The following BCKDHB variants were observed in gnomAD, a reference collection of about 807,000 sequenced individuals.
The protein encoded by BCKDHB is 2-oxoisovalerate dehydrogenase subunit beta, mitochondrial.
Under a neutral mutation model 48.5 loss-of-function variants are expected in BCKDHB, and 41 were observed. The observed-to-expected ratio is 0.85, with a 90% CI of 0.66 to 1.10. BCKDHB has a LOEUF of 1.10. Among genes scored for constraint, BCKDHB ranks in the 50% least tolerant of loss-of-function variants. The pLI, the probability that BCKDHB is intolerant of heterozygous loss-of-function variation, is 0.00. For missense variants in BCKDHB, 496 were observed against 494.2 expected (o/e 1.00, Z -0.03); for synonymous variants, 201 against 174.8 (o/e 1.15, Z -1.18).
the BCKDHB span, among the ~76,000 whole-genome samples, chr6:80,388,206 C>G: frequency 6.6e-6 from 1 of 152,156 alleles, no homozygotes; most frequent in African/African-American, 2.4e-5. Context: ...GGAGGAGGCT[C>G]TGAAACAGGT....
At chr6:80,355,924 G>A in the BCKDHB span, 1 of 152,212 alleles carries the variant, frequency 6.6e-6, no homozygotes, top group African/African-American at 2.4e-5. Flanking sequence ...AGTGGTGACA[G>A]TGCTCTTATT....
At chr6:80,196,496 T>C (rs1774137187) in intron 6 of BCKDHB, among the ~76,000 whole-genome samples, 1 of 152,200 alleles carries the variant, frequency 6.6e-6, no homozygotes, top group African/African-American at 2.4e-5. Flanking sequence ...ATAAATCTAT[T>C]TCCATCTTTG....
At chr6:80,460,517 A>C in the BCKDHB span, among the ~76,000 whole-genome samples, 410 of 152,266 alleles carry the variant, frequency 2.7e-3, 4 homozygotes, top group African/African-American at 9.6e-3. Flanking sequence ...GCATTGGCTC[A>C]CAACTTGATA....
intron 9 of BCKDHB, among the ~76,000 whole-genome samples, chr6:80,323,199 T>C (rs2128003345): frequency 6.6e-6 from 1 of 152,266 alleles, no homozygotes; most frequent in African/African-American, 2.4e-5. Flanking sequence ...TACCAGCATC[T>C]TGTATGCTCC....
rs772066588 is a variant in BCKDHB, at chr6:80,106,708, G to A, written c.15G>A (p.Ala5=). ...GGTGAGCGGGGATGGCGGTTGTAGC[G>A]GCGGCTGCCGGCTGGCTACTCAGGC... MAVV[A]AAAGWLLRLR... Residue 5 remains alanine (A), a synonymous_variant, in exon 1 of 10, where the codon GCG becomes GCA. Transcript: ENST00000320393. The A allele has an allele frequency of 1.9e-6, 3 of 1,551,066 alleles. No individual in the cohort carries two copies. Among genetic ancestry groups the A allele is most frequent in the Non-Finnish European group, 1.7e-6 (2 of 1,148,102 alleles).
At chr6:80,369,363 C>T in the BCKDHB span, among the ~76,000 whole-genome samples, 3 of 152,128 alleles carry the variant, frequency 2.0e-5, no homozygotes, top group East Asian at 1.9e-4. Context: ...TTGTTATTCT[C>T]GCATTTCCAG....
chr6:80,107,518 T>TATATGCATATATATATGCAC (rs1554181351), intron 1 of BCKDHB, among the ~76,000 whole-genome samples: 1 of 121,686 alleles, frequency 8.2e-6, no homozygotes, highest in Non-Finnish European at 1.6e-5. Flanking sequence ...TGTGCGCATA[T>TATATGCATATATATATGCAC]ATATATATAT....
the BCKDHB span, among the ~76,000 whole-genome samples, chr6:80,405,916 T>G: frequency 6.6e-6 from 1 of 152,166 alleles, no homozygotes; most frequent in East Asian, 1.9e-4. Flanking sequence ...CATGTTGGCT[T>G]GCTGCGCCCA....
At chr6:80,312,458 C>T (rs1359899562) in intron 9 of BCKDHB, among the ~76,000 whole-genome samples, 1 of 152,132 alleles carries the variant, frequency 6.6e-6, no homozygotes, top group African/African-American at 2.4e-5. Flanking sequence ...ACTTCCAGGA[C>T]TATGTTGAAT....
the BCKDHB span, among the ~76,000 whole-genome samples, chr6:80,424,450 T>C: frequency 2.0e-5 from 3 of 152,210 alleles, no homozygotes; most frequent in Non-Finnish European, 4.4e-5. Flanking sequence ...TTTGGTAATA[T>C]AACCCAGATT....
rs543431691 is a variant in BCKDHB at position 80,241,133 on chromosome 6, TTTAG to T, written c.952-31997_952-31994del. On this transcript the variant is annotated intron_variant, in intron 8 of 9. Coordinates refer to ENST00000320393, the MANE Select transcript of BCKDHB (RefSeq NM_183050.4). ...TTAAGGTCTTCTCTATGCTGTTTAT[TTTAG>T]TTAGCCATTTGTCTAATCTTTTTTC... is the stretch of plus-strand genomic sequence containing the variant. Among the ~76,000 whole-genome samples the T allele has an allele frequency of 3.9e-3, 592 of 152,274 alleles. 4 individuals carry two copies. Among genetic ancestry groups the T allele is most frequent in the African/African-American group, 0.013 (555 of 41,564 alleles).
the BCKDHB span, among the ~76,000 whole-genome samples, chr6:80,459,601 G>T: frequency 9.2e-5 from 14 of 151,366 alleles, no homozygotes; most frequent in Non-Finnish European, 2.1e-4. Flanking sequence ...TTAAAATTGT[G>T]TTGAGGGTAG....
chr6:80,298,042 G>A (rs1024673699), intron 9 of BCKDHB, among the ~76,000 whole-genome samples: 1 of 151,942 alleles, frequency 6.6e-6, no homozygotes, highest in Non-Finnish European at 1.5e-5. Flanking sequence ...CAGGCTGTTA[G>A]AGCTTGAATA....
chr6:80,127,238 G>T, intron 1 of BCKDHB: 1 of 338,538 alleles, frequency 3.0e-6, no homozygotes. Context: ...TCACTTTGAC[G>T]GGTCTCCCTT....
At chr6:80,139,978 A>C (rs568534114) in intron 3 of BCKDHB, among the ~76,000 whole-genome samples, 20 of 152,072 alleles carry the variant, frequency 1.3e-4, no homozygotes, top group Middle Eastern at 3.4e-3. Context: ...CTTTTATTTC[A>C]TTGAGCAGTG....
At chr6:80,391,764 C>G in the BCKDHB span, among the ~76,000 whole-genome samples, 3 of 152,094 alleles carry the variant, frequency 2.0e-5, no homozygotes, top group Admixed American at 1.3e-4. Flanking sequence ...AATATACAAA[C>G]TACAAATTGG....
chr6:80,354,244 T>C, the BCKDHB span, among the ~76,000 whole-genome samples: 1 of 143,618 alleles, frequency 7.0e-6, no homozygotes, highest in Admixed American at 6.7e-5. Flanking sequence ...TATTTATTTT[T>C]TTATACAGAG....
chr6:80,287,357 G>A (rs1289699675), intron 9 of BCKDHB, among the ~76,000 whole-genome samples: 1 of 152,102 alleles, frequency 6.6e-6, no homozygotes, highest in African/African-American at 2.4e-5. Context: ...AGAGATTAGT[G>A]ATAATGGAGT....
the BCKDHB span, among the ~76,000 whole-genome samples, chr6:80,431,656 C>G: frequency 1.3e-5 from 2 of 151,890 alleles, no homozygotes; most frequent in Non-Finnish European, 2.9e-5. Context: ...TGCTTTTTTT[C>G]TGCTTTCCAT....
Sources: gnomAD v4.1 joint callset for allele counts (sites outside exome capture counted in the v4.1 genomes callset) on GRCh38, gnomAD v4.1.1 for gene constraint, MANE v1.5 for transcripts, NCBI Gene and HGNC (gene_info 2026-07-23, HGNC 2026-07-21) for gene names.